The following PTK7 variants were observed in gnomAD, a reference collection of about 807,000 sequenced individuals.
The protein encoded by PTK7 is inactive tyrosine-protein kinase 7.
PTK7 carries 39 observed loss-of-function variants against 116.6 expected under a neutral mutation model. The ratio of observed to expected loss-of-function variants is 0.33; its 90% CI spans 0.26 to 0.44. The LOEUF is 0.44. Among genes scored for constraint, PTK7 ranks in the 20% least tolerant of loss-of-function variants. PTK7 has a pLI of 1.00. For missense variants in PTK7, 1,169 were observed against 1,425.6 expected (o/e 0.82, Z 2.90); for synonymous variants, 546 against 563.6 (o/e 0.97, Z 0.44).
chr6:43,143,766 A>ATCCAACTCCAGGCTTCCC lies in PTK7; in HGVS notation c.2251+146_2251+147insTCCAACTCCAGGCTTCCC. 3.3e-6 allele frequency: 3 copies of ATCCAACTCCAGGCTTCCC among 898,082 alleles called. No homozygotes were observed. Among genetic ancestry groups the ATCCAACTCCAGGCTTCCC allele is most frequent in the Middle Eastern group, 3.5e-4 (1 of 2,862 alleles). The allele number at this position is 898,082 out of a possible 1,614,324, so 55.6% of individuals were successfully genotyped here. ...TGGGACTGCCCCACCCCTAGCGGGAAGCCTGGAGTTGGATTCCCAGGGCCT... is the reference window on the plus strand; with the variant it reads ...TGGGACTGCCCCACCCCTAGCGGGAATCCAACTCCAGGCTTCCCGCCTGGAGTTGGATTCCCAGGGCCT... On this transcript the variant is annotated intron_variant, in intron 14 of 19. Transcript: ENST00000230419. The surrounding 1 kb of genome is among the most constrained non-coding windows in gnomAD (Gnocchi z 4.2).
At chr6:43,090,014 C>A (rs1291983495) in intron 1 of PTK7, among the ~76,000 whole-genome samples, 2 of 152,220 alleles carry the variant, frequency 1.3e-5, no homozygotes, top group African/African-American at 4.8e-5. Flanking sequence ...GCCTGAAGGG[C>A]CTTTGAACAT....
chr6:43,114,840 G>A (rs552827117), intron 1 of PTK7, among the ~76,000 whole-genome samples: 2 of 152,110 alleles, frequency 1.3e-5, no homozygotes, highest in South Asian at 4.1e-4. Context: ...AGGAGTTCGA[G>A]ACCAGCCTGG....
intron 7 of PTK7, chr6:43,133,391 G>A (rs1386157977): frequency 6.6e-6 from 1 of 152,128 alleles, no homozygotes; most frequent in East Asian, 1.9e-4. Context: ...TGACCAACAT[G>A]GTGAAACCCC....
At position 43,114,413 on chromosome 6, in the gene PTK7, CCTTAT is replaced by C. The variant is rs1175459424; in HGVS notation, c.80-14556_80-14552del. Among the ~76,000 whole-genome samples the C allele has an allele frequency of 2.0e-5, 3 of 151,958 alleles. No individual in the cohort carries two copies. The East Asian group carries it at 5.8e-4, about 30-fold the overall frequency. On this transcript the variant is annotated intron_variant, in intron 1 of 19. Transcript: ENST00000230419. Reference sequence around the variant, plus strand: ...CTGTCTCTCTCAATTTCTTCTGTTCCCTTATCTTATCTCCCTGTCTCCCTCTGTTT... The same window carrying C: ...CTGTCTCTCTCAATTTCTTCTGTTCCCTTATCTCCCTGTCTCCCTCTGTTT...
At chr6:43,098,226 ATTC>A (rs1015165439) in intron 1 of PTK7, among the ~76,000 whole-genome samples, 4 of 151,820 alleles carry the variant, frequency 2.6e-5, no homozygotes, top group East Asian at 1.9e-4. Context: ...AGCTTTGTTT[ATTC>A]TTCTTCTCCA....
intron 17 of PTK7, among the ~76,000 whole-genome samples, chr6:43,150,343 G>A (rs1770992033): frequency 6.6e-6 from 1 of 152,198 alleles, no homozygotes; most frequent in South Asian, 2.1e-4. Flanking sequence ...AACAGTATTT[G>A]AGAATTACTC....
chr6:43,154,540 C>G (rs1771308018), intron 17 of PTK7, among the ~76,000 whole-genome samples: 1 of 152,136 alleles, frequency 6.6e-6, no homozygotes, highest in Non-Finnish European at 1.5e-5. Flanking sequence ...GTGATGCACT[C>G]TATTTTCTAT....
At chr6:43,116,651 T>TGTGTGTGTGTGTGCGCGCGCGCGCGC (rs1323606377) in intron 1 of PTK7, among the ~76,000 whole-genome samples, 1 of 77,278 alleles carries the variant, frequency 1.3e-5, no homozygotes, top group African/African-American at 6.4e-5. Flanking sequence ...TGTGTGTGTG[T>TGTGTGTGTGTGTGCGCGCGCGCGCGC]GCGCGCGCAC....
At chr6:43,100,189 C>T (rs774300061) in intron 1 of PTK7, among the ~76,000 whole-genome samples, 38 of 152,112 alleles carry the variant, frequency 2.5e-4, no homozygotes, top group Non-Finnish European at 4.4e-4. Flanking sequence ...GGAGACCATC[C>T]TGGTTAACAC....
intron 1 of PTK7, among the ~76,000 whole-genome samples, chr6:43,100,407 T>C (rs1767507297): frequency 8.3e-6 from 1 of 121,050 alleles, no homozygotes; most frequent in Non-Finnish European, 1.6e-5. Context: ...ATCATTAGGG[T>C]TTTTTTAAAA....
chr6:43,131,864 C>G (rs1769701725), intron 5 of PTK7, 152 bp from the exon 6 acceptor site: 1 of 1,012,124 alleles, frequency 9.9e-7, no homozygotes, highest in Non-Finnish European at 1.5e-6. Flanking sequence ...GGCACACACA[C>G]CAGTCTGGAG....
intron 1 of PTK7, among the ~76,000 whole-genome samples, chr6:43,109,556 A>G (rs962987338): frequency 6.6e-6 from 1 of 152,164 alleles, no homozygotes; most frequent in African/African-American, 2.4e-5. Context: ...ATTATAATTT[A>G]TATTCCCTCC....
chr6:43,153,049 G>A (rs532114637), intron 17 of PTK7, among the ~76,000 whole-genome samples: 5 of 152,112 alleles, frequency 3.3e-5, no homozygotes, highest in African/African-American at 1.2e-4. Context: ...GCGTCCCAAA[G>A]TGCTGGGATT....
At chr6:43,088,167 G>A (rs1194759388) in intron 1 of PTK7, among the ~76,000 whole-genome samples, 1 of 152,144 alleles carries the variant, frequency 6.6e-6, no homozygotes, top group Non-Finnish European at 1.5e-5. Flanking sequence ...TTAGACAGCA[G>A]CGGTGGCACG....
intron 17 of PTK7, among the ~76,000 whole-genome samples, chr6:43,151,534 GTTTTTTTT>G (rs200011172): frequency 3.3e-5 from 4 of 120,354 alleles, no homozygotes; most frequent in African/African-American, 1.2e-4. Flanking sequence ...TTTGTTTTTT[GTTTTTTTT>G]TTTTTTCGGA....
chr6:43,157,360 A>AT (rs1387944123), intron 17 of PTK7, among the ~76,000 whole-genome samples: 8 of 8,026 alleles, frequency 1.0e-3, no homozygotes, highest in Admixed American at 3.8e-3. Flanking sequence ...ATATATATAT[A>AT]TATATTTTTT....
intron 1 of PTK7, among the ~76,000 whole-genome samples, chr6:43,118,649 C>CTG (rs1768724476): frequency 1.2e-5 from 1 of 86,550 alleles, no homozygotes; most frequent in Non-Finnish European, 2.2e-5. Flanking sequence ...CTCTCTCTCT[C>CTG]TCTCTCTCTC....
chr6:43,081,208 C>T (rs1766358043), intron 1 of PTK7, among the ~76,000 whole-genome samples: 1 of 152,204 alleles, frequency 6.6e-6, no homozygotes, highest in South Asian at 2.1e-4. Context: ...ACCGCCTCTT[C>T]TTCCCTGAAG....
chr6:43,157,360 A>ATTTTTTT (rs1387944123), intron 17 of PTK7, among the ~76,000 whole-genome samples: 2 of 8,020 alleles, frequency 2.5e-4, no homozygotes, highest in Non-Finnish European at 4.2e-4. Context: ...ATATATATAT[A>ATTTTTTT]TATATTTTTT....
Sources: gnomAD v4.1 joint callset for allele counts (sites outside exome capture counted in the v4.1 genomes callset) on GRCh38, gnomAD v4.1.1 for gene constraint, Gnocchi (gnomAD v3.1) non-coding constraint, MANE v1.5 for transcripts, NCBI Gene and HGNC (gene_info 2026-07-23, HGNC 2026-07-21) for gene names.